The following UNC13C variants were observed in gnomAD, a reference collection of about 807,000 sequenced individuals.
The protein encoded by UNC13C is unc-13 homolog C, also known as protein unc-13 homolog C.
In UNC13C, 174 loss-of-function variants were observed where a neutral mutation model predicts 245.4. That is an observed-to-expected ratio of 0.71 (90% CI 0.63 to 0.80). The LOEUF is 0.80. Among genes scored for constraint, UNC13C ranks in the 30% least tolerant of loss-of-function variants. The pLI is 0.00. For synonymous variants in UNC13C, 992 were observed against 895.1 expected (o/e 1.11, Z -1.93); for missense variants, 2,829 against 2,602.9 (o/e 1.09, Z -1.89).
intron 25 of UNC13C, among the ~76,000 whole-genome samples, chr15:54,531,850 C>A (rs955622871): frequency 6.6e-6 from 1 of 152,064 alleles, no homozygotes; most frequent in African/African-American, 2.4e-5. Flanking sequence ...TCCTTTCCAG[C>A]CCTAGGAAAC....
chr15:54,590,068 T>C (rs1276710954), intron 30 of UNC13C, among the ~76,000 whole-genome samples: 2 of 152,206 alleles, frequency 1.3e-5, no homozygotes, highest in African/African-American at 4.8e-5. Flanking sequence ...CTTTATGTTT[T>C]TGTTTGCTTT....
At chr15:53,935,768 C>T in the UNC13C span, among the ~76,000 whole-genome samples, 4 of 152,232 alleles carry the variant, frequency 2.6e-5, no homozygotes, top group African/African-American at 9.6e-5. Flanking sequence ...TTATGTGACC[C>T]TGCCCAGGAA....
At chr15:53,989,599 G>C (rs958586486) in intron 1 of UNC13C, among the ~76,000 whole-genome samples, 1 of 151,824 alleles carries the variant, frequency 6.6e-6, no homozygotes, top group African/African-American at 2.4e-5. Context: ...TTTATTCTCA[G>C]ATATACAAAT....
Position 54,627,131 on chromosome 15 carries a change from A to AAAT in UNC13C, c.*20_*22dup. The stretch of plus-strand genomic sequence containing the variant: ...GTGCTTGAAACAAACACTGCAAGCT[A>AAAT]AATACATAACTATAATTGTTTGACT... On this transcript the variant is annotated 3_prime_UTR_variant, in exon 33 of 33. Transcript: ENST00000260323. 1 of 1,593,410 alleles carries AAAT rather than the reference A, an allele frequency of 6.3e-7. No individual in the cohort carries two copies. Among genetic ancestry groups the AAAT allele is most frequent in the East Asian group, 2.2e-5 (1 of 44,638 alleles).
At chr15:54,024,572 T>C (rs1896026267) in intron 2 of UNC13C, among the ~76,000 whole-genome samples, 1 of 150,960 alleles carries the variant, frequency 6.6e-6, no homozygotes, top group Non-Finnish European at 1.5e-5. Flanking sequence ...AATGCATTGA[T>C]TGAGTTCTAC....
intron 2 of UNC13C, among the ~76,000 whole-genome samples, chr15:54,047,087 T>C (rs1897071108): frequency 1.3e-5 from 2 of 152,012 alleles, no homozygotes; most frequent in African/African-American, 2.4e-5. Context: ...AAAAGTTACG[T>C]GGTAATAATT....
intron 4 of UNC13C, among the ~76,000 whole-genome samples, chr15:54,212,607 A>T (rs184491205): frequency 1.3e-5 from 2 of 152,144 alleles, no homozygotes; most frequent in East Asian, 1.9e-4. Context: ...AGCACAACCA[A>T]ATATCCCAAA....
chr15:54,440,434 C>A (rs1890457537), intron 19 of UNC13C, among the ~76,000 whole-genome samples: 2 of 152,008 alleles, frequency 1.3e-5, no homozygotes, highest in Non-Finnish European at 2.9e-5. Context: ...TGGCTTATTT[C>A]ACCTAACATA....
At chr15:54,555,380 G>A in intron 28 of UNC13C, 52 bp from the exon 29 acceptor site, 1 of 1,457,750 alleles carries the variant, frequency 6.9e-7, no homozygotes, top group South Asian at 1.2e-5. Flanking sequence ...TCAAGTAGTT[G>A]TTGAATACAT....
intron 2 of UNC13C, among the ~76,000 whole-genome samples, chr15:54,133,293 T>A (rs1460903528): frequency 6.6e-6 from 1 of 152,220 alleles, no homozygotes; most frequent in Non-Finnish European, 1.5e-5. Context: ...CACAAGAACC[T>A]CTGATGGATC....
chr15:54,082,721 C>T (rs986864567), intron 2 of UNC13C, among the ~76,000 whole-genome samples: 1 of 151,926 alleles, frequency 6.6e-6, no homozygotes, highest in Admixed American at 6.6e-5. Flanking sequence ...TTTGAGTTTT[C>T]TATCATTTTG....
At chr15:54,420,539 G>A (rs1380593984) in intron 19 of UNC13C, among the ~76,000 whole-genome samples, 1 of 151,770 alleles carries the variant, frequency 6.6e-6, no homozygotes, top group African/African-American at 2.4e-5. Flanking sequence ...AAGAGTCAAG[G>A]ATACAGGTGT....
chr15:54,271,554 T>A (rs1323141575), intron 10 of UNC13C, among the ~76,000 whole-genome samples: 1 of 152,164 alleles, frequency 6.6e-6, no homozygotes, highest in Non-Finnish European at 1.5e-5. Flanking sequence ...GAGATGACAT[T>A]TTCTTCATAT....
rs190259519 is a variant in UNC13C, at chr15:54,375,412, C to G, written c.4714-17636C>G. ...GTAATGCTATTGTTTAATGCTTTTC[C>G]CTTGAATCTTGACTGAATCTGTGAC... On this transcript the variant is annotated intron_variant, in intron 17 of 32. Coordinates refer to ENST00000260323, the MANE Select transcript of UNC13C (RefSeq NM_001080534.3). Among the ~76,000 whole-genome samples, 366 of 152,234 alleles carry G rather than the reference C, an allele frequency of 2.4e-3. 1 individual carries two copies. Among genetic ancestry groups the G allele is most frequent in the Admixed American group, 9.9e-3 (151 of 15,282 alleles).
chr15:54,268,122 AC>A (rs1027051800), intron 10 of UNC13C, among the ~76,000 whole-genome samples: 8 of 145,698 alleles, frequency 5.5e-5, no homozygotes, highest in Admixed American at 4.8e-4. Context: ...CTTGCGCCCC[AC>A]CCCCCAACTT....
At chr15:53,919,952 T>G in the UNC13C span, among the ~76,000 whole-genome samples, 1 of 152,142 alleles carries the variant, frequency 6.6e-6, no homozygotes, top group Non-Finnish European at 1.5e-5. Context: ...TCAAGTTGCT[T>G]TTCCTATCCA....
At chr15:54,558,436 AG>A (rs1897173795) in intron 29 of UNC13C, among the ~76,000 whole-genome samples, 1 of 152,134 alleles carries the variant, frequency 6.6e-6, no homozygotes, top group Middle Eastern at 3.4e-3. Flanking sequence ...ACGAAGTTTA[AG>A]TAAAATGTAG....
chr15:53,957,347 G>T, the UNC13C span, among the ~76,000 whole-genome samples: 1 of 152,072 alleles, frequency 6.6e-6, no homozygotes, highest in Non-Finnish European at 1.5e-5. Flanking sequence ...TCACCAGGTT[G>T]GTCTCGAACT....
At chr15:54,137,940 T>A (rs768199971) in intron 2 of UNC13C, among the ~76,000 whole-genome samples, 1 of 152,188 alleles carries the variant, frequency 6.6e-6, no homozygotes, top group Non-Finnish European at 1.5e-5. Context: ...GATCTTTTTT[T>A]AAATGTGGGT....
Sources: allele counts gnomAD v4.1 joint callset (sites outside exome capture counted in the v4.1 genomes callset), GRCh38; gene constraint gnomAD v4.1.1; transcripts MANE v1.5; gene names NCBI Gene and HGNC (gene_info 2026-07-23, HGNC 2026-07-21).